PLAG1: variants seen among roughly 807,000 people sequenced by gnomAD.
PLAG1 encodes the protein PLAG1 zinc finger, also known as zinc finger protein PLAG1.
Under a neutral mutation model 35.5 loss-of-function variants are expected in PLAG1, and 7 were observed. The ratio of observed to expected loss-of-function variants is 0.20; its 90% confidence interval spans 0.11 to 0.37. PLAG1 has a LOEUF of 0.37. Among genes scored for constraint, PLAG1 ranks in the 10% least tolerant of loss-of-function variants. The pLI is 1.00. For missense variants in PLAG1, 454 were observed against 602.8 expected, an observed-to-expected ratio of 0.75 and a Z score of 2.58; for synonymous variants, 229 against 225.4, an observed-to-expected ratio of 1.02 and a Z score of -0.14.
chr8:56,172,686 T>C (rs1811567889), intron 2 of PLAG1, among the ~76,000 whole-genome samples: 1 of 152,178 alleles, frequency 6.6e-6, no homozygotes, highest in Admixed American at 6.5e-5. Context: ...CTTGACAGCA[T>C]ATGTGTGATA....
intron 2 of PLAG1, among the ~76,000 whole-genome samples, chr8:56,175,974 T>G (rs982258753): frequency 3.9e-5 from 6 of 152,152 alleles, no homozygotes; most frequent in Middle Eastern, 3.2e-3. Flanking sequence ...CTTGGTTGTT[T>G]ATTTTATAGA....
At chr8:56,188,899 G>C (rs918859850) in intron 1 of PLAG1, among the ~76,000 whole-genome samples, 1 of 152,136 alleles carries the variant, frequency 6.6e-6, no homozygotes, top group Non-Finnish European at 1.5e-5. Flanking sequence ...ATAAAACTAT[G>C]GATCAATCCA....
rs554886860 is a variant in PLAG1, at chr8:56,200,331, T to TA, written c.-322+10789dup. 2.4e-3 allele frequency among the ~76,000 whole-genome samples: 358 copies of TA among 152,264 alleles called. 2 individuals are homozygous for TA. The highest frequency in any genetic ancestry group is 8.3e-3 in the African/African-American group (345 of 41,558). ...AAAGGTGGTTCCATGACTAAGGAAC[T>TA]AAAAAATGGTAGAGCCATTCACAGA... is the stretch of plus-strand genomic sequence containing the variant. On this transcript the variant is annotated intron_variant, in intron 1 of 4. Coordinates refer to ENST00000316981, the MANE Select transcript of PLAG1 (RefSeq NM_002655.3).
At chr8:56,210,351 C>T (rs1182831531) in intron 1 of PLAG1, among the ~76,000 whole-genome samples, 1 of 151,964 alleles carries the variant, frequency 6.6e-6, no homozygotes, top group African/African-American at 2.4e-5. Flanking sequence ...ATACTGACAA[C>T]AAGCTGTCCC....
At chr8:56,173,884 A>G (rs1811613815) in intron 2 of PLAG1, among the ~76,000 whole-genome samples, 1 of 152,144 alleles carries the variant, frequency 6.6e-6, no homozygotes, top group Admixed American at 6.5e-5. Context: ...AGTGACTCAT[A>G]TAAAAAACTA....
At chr8:56,195,385 G>C (rs1812329343) in intron 1 of PLAG1, among the ~76,000 whole-genome samples, 1 of 152,160 alleles carries the variant, frequency 6.6e-6, no homozygotes, top group African/African-American at 2.4e-5. Flanking sequence ...GTCAGCACAG[G>C]GCAAGCACTG....
intron 1 of PLAG1, among the ~76,000 whole-genome samples, chr8:56,185,946 A>G (rs920867909): frequency 1.3e-5 from 2 of 152,264 alleles, no homozygotes; most frequent in African/African-American, 2.4e-5. Flanking sequence ...GATTAATTCA[A>G]TAAAACAAAT....
Position 56,207,836 on chromosome 8 carries a change from A to G in PLAG1, c.-322+3285T>C, listed in dbSNP as rs1256124448. Among the ~76,000 whole-genome samples, 3 of 152,242 alleles carry G rather than the reference A, an allele frequency of 2.0e-5. No individual in the cohort carries two copies. In the East Asian group the frequency reaches 5.8e-4, roughly 29 times the overall value. ...AAATATTGTGCTGTGCCCCATCTAAATAAGACTCTCTAAGCGATTACAGAT... is the reference window on the plus strand; with the variant it reads ...AAATATTGTGCTGTGCCCCATCTAAGTAAGACTCTCTAAGCGATTACAGAT... On this transcript the variant is annotated intron_variant, in intron 1 of 4. Transcript: ENST00000316981.
At chr8:56,185,834 C>G (rs1213212404) in intron 1 of PLAG1, among the ~76,000 whole-genome samples, 1 of 152,194 alleles carries the variant, frequency 6.6e-6, no homozygotes, top group Non-Finnish European at 1.5e-5. Flanking sequence ...GAAGTACCCC[C>G]TGAAGTGTTT....
chr8:56,190,228 G>T (rs892304677), intron 1 of PLAG1, among the ~76,000 whole-genome samples: 1 of 152,202 alleles, frequency 6.6e-6, no homozygotes, highest in African/African-American at 2.4e-5. Context: ...GGACTAGGGG[G>T]AAGATGGCAT....
In PLAG1 at chr8:56,165,752, CTT is replaced by C. The variant is rs1372317633; in HGVS notation, c.*489_*490del. 1.0e-5 allele frequency: 2 copies of C among 195,146 alleles called. No individual in the cohort carries two copies. The highest frequency in any genetic ancestry group is 8.1e-5 in the East Asian group (1 of 12,282). The allele number at this position is 195,146 out of a possible 1,614,324, so 12.1% of individuals were successfully genotyped here. A position where few individuals can be genotyped will look rare whatever the true frequency, so the allele number is the denominator to read the frequency against. On this transcript the variant is annotated 3_prime_UTR_variant, in exon 5 of 5. Coordinates refer to ENST00000316981, the MANE Select transcript of PLAG1 (RefSeq NM_002655.3). ...ATTTATTATCTTCCGAAACTGGACTCTTAATTCATTTGAAGCACTTGATTATT... is the reference window on the plus strand; with the variant it reads ...ATTTATTATCTTCCGAAACTGGACTCAATTCATTTGAAGCACTTGATTATT...
At chr8:56,206,193 T>C (rs924683421) in intron 1 of PLAG1, among the ~76,000 whole-genome samples, 9 of 151,912 alleles carry the variant, frequency 5.9e-5, no homozygotes, top group Non-Finnish European at 1.2e-4. Flanking sequence ...TACCACCCTG[T>C]AAAGAGGAGG....
intron 1 of PLAG1, among the ~76,000 whole-genome samples, chr8:56,205,825 T>A (rs1812682572): frequency 6.6e-6 from 1 of 151,972 alleles, no homozygotes; most frequent in African/African-American, 2.4e-5. Flanking sequence ...AAATTTCTTG[T>A]CCTATTAACC....
chr8:56,197,546 C>T (rs1306124831), intron 1 of PLAG1, among the ~76,000 whole-genome samples: 1 of 152,190 alleles, frequency 6.6e-6, no homozygotes, highest in African/African-American at 2.4e-5. Flanking sequence ...TCTCTTCTTT[C>T]TCTGTGTTTG....
chr8:56,192,982 C>CT (rs1812232215), intron 1 of PLAG1, among the ~76,000 whole-genome samples: 1 of 152,054 alleles, frequency 6.6e-6, no homozygotes, highest in Non-Finnish European at 1.5e-5. Flanking sequence ...TCAAAAAAGA[C>CT]TTTAAGAAAT....
At chr8:56,187,659 TG>T (rs1298024655) in intron 1 of PLAG1, among the ~76,000 whole-genome samples, 5 of 152,308 alleles carry the variant, frequency 3.3e-5, no homozygotes, top group African/African-American at 9.6e-5. Flanking sequence ...AATAAGGGTT[TG>T]TTTTTTTTGG....
chr8:56,196,951 C>CGTGCGTGTGT (rs1554537772), intron 1 of PLAG1, among the ~76,000 whole-genome samples: 1 of 142,962 alleles, frequency 7.0e-6, no homozygotes, highest in African/African-American at 2.7e-5. Flanking sequence ...CCCTAGTGTG[C>CGTGCGTGTGT]GTGTGTGTGT....
At position 56,163,673 on chromosome 8, in the gene PLAG1, GTA is replaced by G. The variant is rs149010925; in HGVS notation, c.*2568_*2569del. ...AAGATTTAAGTATGTGTGTGTGTGT[GTA>G]TATATACACACACACACACACACAT... is the stretch of plus-strand genomic sequence containing the variant. On this transcript the variant is annotated 3_prime_UTR_variant, in exon 5 of 5. Coordinates refer to ENST00000316981, the MANE Select transcript of PLAG1 (RefSeq NM_002655.3). The G allele has an allele frequency of 1.1e-5, 2 of 186,490 alleles. No homozygotes were observed. Among genetic ancestry groups the G allele is most frequent in the African/African-American group, 2.4e-5 (1 of 41,504 alleles). 11.6% of individuals were successfully genotyped at this position (186,490 alleles called of 1,614,324 possible). A position where few individuals can be genotyped will look rare whatever the true frequency, so the allele number is the denominator to read the frequency against.
At chr8:56,199,922 TAA>T (rs1812501233) in intron 1 of PLAG1, among the ~76,000 whole-genome samples, 2 of 152,164 alleles carry the variant, frequency 1.3e-5, no homozygotes, top group Non-Finnish European at 2.9e-5. Context: ...GGGATGCAGG[TAA>T]AAGAGTGGGT....
Sources: gnomAD v4.1 joint callset for allele counts (sites outside exome capture counted in the v4.1 genomes callset) on GRCh38, gnomAD v4.1.1 for gene constraint, MANE v1.5 for transcripts, NCBI Gene and HGNC (gene_info 2026-07-23, HGNC 2026-07-21) for gene names.